RBFOX1: variants seen among roughly 807,000 people sequenced by gnomAD.
RBFOX1 encodes the protein RNA binding fox-1 homolog 1.
Under a neutral mutation model 57.7 loss-of-function variants are expected in RBFOX1, and 8 were observed. The observed-to-expected ratio is 0.14, with a 90% CI of 0.08 to 0.25. The LOEUF is 0.25. Among genes scored for constraint, RBFOX1 ranks in the 10% least tolerant of loss-of-function variants. The pLI is 1.00. For missense variants in RBFOX1, 611 were observed against 548.5 expected, an observed-to-expected ratio of 1.11 and a Z score of -1.14; for synonymous variants, 326 against 222.4, an observed-to-expected ratio of 1.47 and a Z score of -4.15.
intron 14 of RBFOX1, among the ~76,000 whole-genome samples, chr16:7,678,199 C>G (rs887965797): frequency 4.6e-5 from 7 of 152,110 alleles, no homozygotes; most frequent in African/African-American, 1.7e-4. Context: ...AGACAATTGT[C>G]AAGACAAGGT....
chr16:5,968,634 TC>T (rs1178894510), intron 4 of RBFOX1, among the ~76,000 whole-genome samples: 1 of 152,198 alleles, frequency 6.6e-6, no homozygotes, highest in Non-Finnish European at 1.5e-5. Context: ...ATTTTTTTTT[TC>T]TAATGTCTAG....
intron 4 of RBFOX1, among the ~76,000 whole-genome samples, chr16:5,891,148 T>G (rs938131423): frequency 1.3e-5 from 2 of 152,122 alleles, no homozygotes; most frequent in African/African-American, 4.8e-5. Context: ...CTCTCTACCC[T>G]CCTTAGGATT....
chr16:5,772,336 A>T (rs1045203804), intron 3 of RBFOX1, among the ~76,000 whole-genome samples: 1 of 150,206 alleles, frequency 6.7e-6, no homozygotes, highest in African/African-American at 2.5e-5. Context: ...CTCTCCTAAC[A>T]TCTTCCCATG....
intron 1 of RBFOX1, among the ~76,000 whole-genome samples, chr16:6,089,529 C>T (rs182317717): frequency 6.6e-6 from 1 of 152,318 alleles, no homozygotes; most frequent in African/African-American, 2.4e-5. Flanking sequence ...AGACTAAAAT[C>T]TGTGGGAGAC....
At chr16:6,119,529 A>G (rs563439466) in intron 1 of RBFOX1, among the ~76,000 whole-genome samples, 11 of 152,262 alleles carry the variant, frequency 7.2e-5, no homozygotes, top group South Asian at 2.1e-4. Flanking sequence ...GTGATTTTCA[A>G]TTTCCTCTCA....
chr16:6,491,179 T>G (rs1175157580), intron 2 of RBFOX1, among the ~76,000 whole-genome samples: 2 of 151,856 alleles, frequency 1.3e-5, no homozygotes, highest in Non-Finnish European at 2.9e-5. Flanking sequence ...GTCTATAGTC[T>G]ATTTATATGT....
At chr16:5,681,620 C>T (rs900197001) in intron 3 of RBFOX1, among the ~76,000 whole-genome samples, 10 of 151,676 alleles carry the variant, frequency 6.6e-5, no homozygotes, top group Non-Finnish European at 1.3e-4. Context: ...CTCGAACTCC[C>T]GACCTCAGGT....
At chr16:6,849,612 T>A (rs2093957054) in intron 3 of RBFOX1, among the ~76,000 whole-genome samples, 1 of 152,154 alleles carries the variant, frequency 6.6e-6, no homozygotes, top group Non-Finnish European at 1.5e-5. Context: ...GAGGTTTCAG[T>A]GAGCTGAGAT....
intron 3 of RBFOX1, among the ~76,000 whole-genome samples, chr16:6,980,807 C>T (rs562615277): frequency 7.0e-4 from 107 of 152,132 alleles, no homozygotes; most frequent in African/African-American, 2.5e-3. Context: ...CTTTGGGAGG[C>T]CAAGGCAGGC....
At chr16:7,028,609 CAAAAAAAAA>C (rs869138217) in intron 3 of RBFOX1, among the ~76,000 whole-genome samples, 2 of 45,428 alleles carry the variant, frequency 4.4e-5, no homozygotes, top group African/African-American at 1.7e-4. Context: ...CACACACACA[CAAAAAAAAA>C]AAAAAAAAAA....
intron 1 of RBFOX1, among the ~76,000 whole-genome samples, chr16:6,302,246 A>G (rs998466746): frequency 2.6e-5 from 4 of 151,508 alleles, no homozygotes; most frequent in African/African-American, 7.3e-5. Context: ...CAAACCTTTC[A>G]TGATCTCACT....
At chr16:5,281,488 A>T (rs996554977) in intron 1 of RBFOX1, among the ~76,000 whole-genome samples, 1 of 152,304 alleles carries the variant, frequency 6.6e-6, no homozygotes, top group African/African-American at 2.4e-5. Flanking sequence ...TGTTGATTTT[A>T]TATCTAGATG....
At chr16:6,847,980 C>T (rs1422904628) in intron 3 of RBFOX1, among the ~76,000 whole-genome samples, 1 of 152,012 alleles carries the variant, frequency 6.6e-6, no homozygotes, top group African/African-American at 2.4e-5. Flanking sequence ...TAGGCACCTG[C>T]CACCATGCCC....
intron 1 of RBFOX1, among the ~76,000 whole-genome samples, chr16:6,039,963 G>C (rs967605658): frequency 1.3e-5 from 2 of 152,198 alleles, no homozygotes; most frequent in African/African-American, 2.4e-5. Context: ...CATGTGCCAT[G>C]ATAGAGAGGT....
At chr16:6,232,719 G>C (rs565619836) in intron 1 of RBFOX1, among the ~76,000 whole-genome samples, 1 of 152,154 alleles carries the variant, frequency 6.6e-6, no homozygotes, top group Admixed American at 6.5e-5. Flanking sequence ...GCCTGTCTCT[G>C]AGTTTCTCTT....
intron 14 of RBFOX1, among the ~76,000 whole-genome samples, chr16:7,679,230 C>T (rs946362494): frequency 8.5e-5 from 13 of 152,110 alleles, no homozygotes; most frequent in African/African-American, 2.4e-4. Context: ...ATAGAAGACA[C>T]GTTTAGGGGA....
intron 10 of RBFOX1, among the ~76,000 whole-genome samples, chr16:7,627,906 G>A (rs1250860553): frequency 2.1e-5 from 3 of 144,524 alleles, no homozygotes; most frequent in African/African-American, 8.5e-5. Flanking sequence ...CAAAATCATT[G>A]CATAAAGATT....
chr16:6,939,117 A>G (rs2077881661), intron 3 of RBFOX1, among the ~76,000 whole-genome samples: 1 of 152,132 alleles, frequency 6.6e-6, no homozygotes, highest in Non-Finnish European at 1.5e-5. Flanking sequence ...GCCCAGAAAA[A>G]TTTAGCAACC....
intron 1 of RBFOX1, among the ~76,000 whole-genome samples, chr16:5,261,776 T>C (rs1271981953): frequency 6.6e-6 from 1 of 152,118 alleles, no homozygotes; most frequent in East Asian, 1.9e-4. Context: ...GGTCTCGATC[T>C]CCTGACCTCG....
Sources: allele counts gnomAD v4.1 joint callset (sites outside exome capture counted in the v4.1 genomes callset), GRCh38; gene constraint gnomAD v4.1.1; transcripts MANE v1.5; gene names NCBI Gene and HGNC (gene_info 2026-07-23, HGNC 2026-07-21).